ACTR6: variants seen among roughly 807,000 people sequenced by gnomAD.
ACTR6 encodes the protein actin-related protein 6.
In ACTR6, 50 loss-of-function variants were observed where a neutral mutation model predicts 52.5. The observed-to-expected ratio is 0.95, with a 90% CI of 0.76 to 1.20. ACTR6 has a LOEUF of 1.20. ACTR6 is among the 50% of genes most tolerant of loss of function. The pLI is 0.00. For synonymous variants in ACTR6, 135 were observed against 147.2 expected (o/e 0.92, Z 0.60); for missense variants, 344 against 472.4 (o/e 0.73, Z 2.52).
At position 100,220,102 on chromosome 12, in the gene ACTR6, T is replaced by C. The variant is rs1430441139; in HGVS notation, c.1017T>C (p.Cys339=). The change falls in exon 10 of 11, where the codon TGT becomes TGC. Residue 339 remains cysteine (C), a synonymous_variant. Coordinates refer to ENST00000188312, the MANE Select transcript of ACTR6 (RefSeq NM_022496.5). ...FRDRVYSEVR[C]LTPTDYDVSV... ...ATCGGGTTTACTCAGAAGTTCGATG[T>C]CTTACTCCAACAGATTATGATGTTT... 4.3e-6 allele frequency: 7 copies of C among 1,614,048 alleles called. No homozygotes were observed. The highest frequency in any genetic ancestry group is 1.3e-5 in the African/African-American group (1 of 75,058).
chr12:100,217,960 T>A (rs911630568), intron 8 of ACTR6, among the ~76,000 whole-genome samples: 1 of 152,178 alleles, frequency 6.6e-6, no homozygotes, highest in Admixed American at 6.5e-5. Flanking sequence ...AGGTATATTA[T>A]GAAGTTCTCT....
Position 100,205,708 on chromosome 12 carries a change from A to G in ACTR6, c.219A>G (p.Gln73=), listed in dbSNP as rs967013105. The part of the protein sequence containing the change: ...GYLVNWDVQR[Q]VWDYLFGKEM... Reference sequence around the variant, plus strand: ...TGGTGAATTGGGATGTTCAGAGACAAGTTTGGGATTACCTTTTTGGAAAAG... The same window carrying G: ...TGGTGAATTGGGATGTTCAGAGACAGGTTTGGGATTACCTTTTTGGAAAAG... The change falls in exon 3 of 11, where the codon CAA becomes CAG. Residue 73 remains glutamine (Q), a synonymous_variant. Transcript: ENST00000188312. The G allele has an allele frequency of 6.6e-7, 1 of 1,524,340 alleles. No homozygotes were observed. Among genetic ancestry groups the G allele is most frequent in the Admixed American group, 2.0e-5 (1 of 49,258 alleles). The allele number at this position is 1,524,340 out of a possible 1,614,324, so 94.4% of individuals were successfully genotyped here.
intron 1 of ACTR6, 144 bp downstream of exon 1, chr12:100,201,063 G>T (rs879288557): frequency 3.2e-5 from 48 of 1,507,410 alleles, no homozygotes; most frequent in Non-Finnish European, 4.3e-5. Flanking sequence ...GGAGCTGGGT[G>T]GGTGATTGTG....
At position 100,210,207 on chromosome 12, in the gene ACTR6, C is replaced by T. The variant is rs756214514; in HGVS notation, c.514C>T (p.Arg172Trp). 10 of 1,601,068 alleles carry T rather than the reference C, an allele frequency of 6.2e-6. No individual in the cohort carries two copies. Among genetic ancestry groups the T allele is most frequent in the East Asian group, 4.5e-5 (2 of 44,756 alleles). Residue 172 changes from arginine (R) to tryptophan (W), a missense_variant and splice_region_variant, in exon 5 of 11, where the codon CGG becomes TGG. Arg to Trp is a moderately radical substitution (Grantham distance 101, BLOSUM62 -3). Transcript: ENST00000188312. Reference protein sequence around the residue: ...RSKKKKEAIIRINVGGKLLTN... With the variant: ...RSKKKKEAIIWINVGGKLLTN... ...TAAAAAGAAAAAAGAAGCAATTATT[C>T]GGTGAGTTGTATTTAATTTTCATGT... is the stretch of plus-strand genomic sequence containing the variant.
At chr12:100,214,725 G>T (rs530294221) in intron 8 of ACTR6, among the ~76,000 whole-genome samples, 4 of 152,204 alleles carry the variant, frequency 2.6e-5, no homozygotes, top group African/African-American at 9.6e-5. Flanking sequence ...AACAGAGCCA[G>T]ATCCTGTCTC....
chr12:100,202,857 CAAAA>C (rs541518616), intron 1 of ACTR6, among the ~76,000 whole-genome samples: 2 of 110,374 alleles, frequency 1.8e-5, no homozygotes, highest in African/African-American at 3.1e-5. Context: ...GACTCGGTCT[CAAAA>C]AAAAAAAAAA....
Position 100,205,041 on chromosome 12 carries a change from T to A in ACTR6, c.170T>A (p.Ile57Asn). The change falls in exon 2 of 11, where the codon ATC becomes AAC. Residue 57 changes from isoleucine (I) to asparagine (N), a missense_variant. By Grantham distance (149) the Ile-to-Asn change is moderately radical (BLOSUM62 -3). Coordinates refer to ENST00000188312, the MANE Select transcript of ACTR6 (RefSeq NM_022496.5). ...AAAGACCCTTCTGGACTCTTTTACA[T>A]CCTCCCTTTTCAAAAGGTAATCCAA... ...EIKDPSGLFY[I>N]LPFQKGYLVN... 6.3e-7 allele frequency: 1 copy of A among 1,577,728 alleles called. No individual in the cohort carries two copies. Among genetic ancestry groups the A allele is most frequent in the Non-Finnish European group, 8.7e-7 (1 of 1,153,614 alleles).
chr12:100,206,044 G>A (rs2096114298), intron 3 of ACTR6, among the ~76,000 whole-genome samples: 1 of 152,108 alleles, frequency 6.6e-6, no homozygotes, highest in Non-Finnish European at 1.5e-5. Flanking sequence ...AGAGGATTTT[G>A]TGTTTTTAAT....
chr12:100,222,554 G>A (rs908150196), intron 10 of ACTR6, among the ~76,000 whole-genome samples: 3 of 151,722 alleles, frequency 2.0e-5, no homozygotes, highest in African/African-American at 4.8e-5. Context: ...CACCATAACC[G>A]ACCTTTGTTT....
chr12:100,203,252 C>A (rs1324698410), intron 1 of ACTR6, among the ~76,000 whole-genome samples: 1 of 152,152 alleles, frequency 6.6e-6, no homozygotes, highest in African/African-American at 2.4e-5. Flanking sequence ...GGTTGGGGAT[C>A]CCTGCCCTAT....
At chr12:100,203,830 T>C (rs1008524217) in intron 1 of ACTR6, 4 of 152,042 alleles carry the variant, frequency 2.6e-5, no homozygotes, top group African/African-American at 9.7e-5. Flanking sequence ...TTTGTATTTT[T>C]AGTAGAGACA....
chr12:100,203,186 C>T (rs932176552), intron 1 of ACTR6, among the ~76,000 whole-genome samples: 1 of 152,184 alleles, frequency 6.6e-6, no homozygotes, highest in Non-Finnish European at 1.5e-5. Context: ...TCACCTCTTG[C>T]TATGAAGGCT....
chr12:100,214,927 A>G (rs1045354245), intron 8 of ACTR6, among the ~76,000 whole-genome samples: 10 of 152,214 alleles, frequency 6.6e-5, no homozygotes, highest in African/African-American at 2.4e-4. Flanking sequence ...TCTTCACAAG[A>G]CAAGAAAAAC....
chr12:100,211,077 C>G (rs764988131), intron 6 of ACTR6, among the ~76,000 whole-genome samples: 1 of 152,168 alleles, frequency 6.6e-6, no homozygotes, highest in Non-Finnish European at 1.5e-5. Context: ...TGGTCTCAAA[C>G]TCCTGGGCTC....
At chr12:100,201,452 T>C (rs933086632) in intron 1 of ACTR6, among the ~76,000 whole-genome samples, 3 of 152,180 alleles carry the variant, frequency 2.0e-5, no homozygotes, top group African/African-American at 7.2e-5. Context: ...TGTATAGTCA[T>C]AAAATATATG....
intron 9 of ACTR6, 93 bp from the exon 10 acceptor site, chr12:100,219,915 T>C: frequency 7.4e-7 from 1 of 1,357,992 alleles, no homozygotes; most frequent in Middle Eastern, 2.4e-4. Context: ...CCCTAATTGC[T>C]TCTTATCTGA....
chr12:100,201,019 G>T (rs2096109231), intron 1 of ACTR6, 100 bp downstream of exon 1: 1 of 1,593,552 alleles, frequency 6.3e-7, no homozygotes. Flanking sequence ...ACACCCCCGC[G>T]CGGCCCTGAC....
At chr12:100,206,464 T>C (rs903041597) in intron 3 of ACTR6, among the ~76,000 whole-genome samples, 2 of 152,170 alleles carry the variant, frequency 1.3e-5, no homozygotes, top group Non-Finnish European at 2.9e-5. Flanking sequence ...GGTAAGACTA[T>C]GTCTCAATAA....
chr12:100,211,131 G>A (rs74476543), intron 6 of ACTR6, among the ~76,000 whole-genome samples: 14,081 of 152,188 alleles, frequency 0.093, 782 homozygotes, highest in African/African-American at 0.13. Flanking sequence ...TGGGATTACT[G>A]ACCTGCACTT....
Sources: allele counts gnomAD v4.1 joint callset (sites outside exome capture counted in the v4.1 genomes callset), GRCh38; gene constraint gnomAD v4.1.1; transcripts MANE v1.5; gene names NCBI Gene and HGNC (gene_info 2026-07-23, HGNC 2026-07-21).